RNF180: variants seen among roughly 807,000 people sequenced by gnomAD.
RNF180 encodes the protein ring finger protein 180.
RNF180 carries 38 observed loss-of-function variants against 59.2 expected under a neutral mutation model. The ratio of observed to expected loss-of-function variants is 0.64; its 90% CI spans 0.50 to 0.84. RNF180 has a LOEUF of 0.84. Among genes scored for constraint, RNF180 ranks in the 40% least tolerant of loss-of-function variants. RNF180 has a pLI of 0.00. For missense variants in RNF180, 705 were observed against 700.9 expected (o/e 1.01, Z -0.07); for synonymous variants, 262 against 240.3 (o/e 1.09, Z -0.84).
At chr5:64,301,967 T>A (rs1743183261) in intron 5 of RNF180, among the ~76,000 whole-genome samples, 1 of 151,780 alleles carries the variant, frequency 6.6e-6, no homozygotes, top group South Asian at 2.1e-4. Context: ...ATATACACTC[T>A]TAATATGTTT....
chr5:64,232,266 G>A (rs1270820061), intron 5 of RNF180, among the ~76,000 whole-genome samples: 1 of 152,216 alleles, frequency 6.6e-6, no homozygotes, highest in Non-Finnish European at 1.5e-5. Context: ...TTAAAGGAAT[G>A]TGTAGTGCAG....
intron 7 of RNF180, among the ~76,000 whole-genome samples, chr5:64,367,362 T>G (rs1244647475): frequency 6.6e-6 from 1 of 151,548 alleles, no homozygotes; most frequent in African/African-American, 2.4e-5. Context: ...CAATAAAATA[T>G]TACATATACT....
chr5:64,291,416 CTTTTT>C (rs1207692101), intron 5 of RNF180, among the ~76,000 whole-genome samples: 1 of 71,794 alleles, frequency 1.4e-5, no homozygotes, highest in Non-Finnish European at 2.6e-5. Flanking sequence ...AGTATGTTTT[CTTTTT>C]TTTTTTTTTT....
chr5:64,175,244 G>A (rs1180463353), intron 1 of RNF180, among the ~76,000 whole-genome samples: 1 of 152,174 alleles, frequency 6.6e-6, no homozygotes, highest in Non-Finnish European at 1.5e-5. Context: ...TGGGATTACA[G>A]GCATGAGCCA....
rs1342011628 is a variant in RNF180 at position 64,213,699 on chromosome 5, A to G, written c.373A>G (p.Thr125Ala). Residue 125 changes from threonine to alanine, a missense_variant, in exon 4 of 8, where the codon ACA becomes GCA. Thr to Ala is a moderately conservative substitution (Grantham distance 58). Transcript: ENST00000389100. ...LSKSRTDYQP[T>A]QAGRLMRPSV... is the part of the protein sequence containing the mutation. ...CAAGAGCCGGACTGATTATCAGCCA[A>G]CACAGGCAGGCAGACTAATGAGACC... 1.9e-6 allele frequency: 3 copies of G among 1,614,078 alleles called. No homozygotes were observed. Among genetic ancestry groups the G allele is most frequent in the African/African-American group, 2.7e-5 (2 of 74,936 alleles).
At chr5:64,357,149 C>A (rs1325343549) in intron 7 of RNF180, among the ~76,000 whole-genome samples, 1 of 151,590 alleles carries the variant, frequency 6.6e-6, no homozygotes, top group Non-Finnish European at 1.5e-5. Context: ...TTAACTTATT[C>A]AATATAAAAG....
chr5:64,210,101 A>G (rs1293382873), intron 2 of RNF180, among the ~76,000 whole-genome samples: 1 of 152,180 alleles, frequency 6.6e-6, no homozygotes, highest in Non-Finnish European at 1.5e-5. Context: ...AAACACTAAA[A>G]AAAGATGTCT....
intron 5 of RNF180, among the ~76,000 whole-genome samples, chr5:64,275,168 G>A (rs1036796763): frequency 1.3e-5 from 2 of 151,470 alleles, no homozygotes; most frequent in Non-Finnish European, 3.0e-5. Flanking sequence ...TAACATACAT[G>A]TCTGTATATT....
intron 5 of RNF180, among the ~76,000 whole-genome samples, chr5:64,292,071 G>C (rs1561242900): frequency 6.6e-6 from 1 of 152,076 alleles, no homozygotes; most frequent in African/African-American, 2.4e-5. Context: ...CATTGGGTGA[G>C]AACATGCTCC....
intron 7 of RNF180, among the ~76,000 whole-genome samples, chr5:64,335,307 A>G (rs895650615): frequency 6.6e-6 from 1 of 152,062 alleles, no homozygotes. Context: ...TTACTTTGAT[A>G]TATTTTAATG....
intron 7 of RNF180, 148 bp from the exon 8 acceptor site, chr5:64,369,466 TA>T (rs56066106): frequency 0.4 from 175,957 of 436,588 alleles, 35,552 homozygotes; most frequent in African/African-American, 0.63. Flanking sequence ...ATAATAATAA[TA>T]AAAAAAAAAG....
intron 5 of RNF180, among the ~76,000 whole-genome samples, chr5:64,273,744 G>C (rs1167494969): frequency 6.6e-6 from 1 of 151,924 alleles, no homozygotes; most frequent in Non-Finnish European, 1.5e-5. Context: ...AAGAAAGAGG[G>C]AGGTCACTGA....
At chr5:64,172,844 C>T (rs1488421417) in intron 1 of RNF180, among the ~76,000 whole-genome samples, 1 of 152,130 alleles carries the variant, frequency 6.6e-6, no homozygotes, top group Admixed American at 6.6e-5. Flanking sequence ...TCCAGGTACA[C>T]TGTTGATTAT....
chr5:64,291,234 C>A (rs1742563095), intron 5 of RNF180, among the ~76,000 whole-genome samples: 1 of 151,958 alleles, frequency 6.6e-6, no homozygotes, highest in East Asian at 1.9e-4. Flanking sequence ...TTGTAGATGA[C>A]CTGGCCTCCT....
At chr5:64,174,116 G>A (rs1205303975) in intron 1 of RNF180, among the ~76,000 whole-genome samples, 1 of 152,126 alleles carries the variant, frequency 6.6e-6, no homozygotes, top group Non-Finnish European at 1.5e-5. Context: ...ACTCATCCAT[G>A]TTGCCACAAA....
chr5:64,225,237 C>T (rs977872778), intron 5 of RNF180, among the ~76,000 whole-genome samples: 9 of 152,216 alleles, frequency 5.9e-5, no homozygotes, highest in Non-Finnish European at 1.3e-4. Flanking sequence ...CTCTTTTGGC[C>T]TTACGCATAG....
At chr5:64,287,235 G>A (rs775386243) in intron 5 of RNF180, among the ~76,000 whole-genome samples, 7 of 152,112 alleles carry the variant, frequency 4.6e-5, no homozygotes, top group Admixed American at 6.5e-5. Flanking sequence ...AAAGTGCTGG[G>A]ATTACAGACG....
In RNF180 at chr5:64,372,006, T is replaced by C. The variant is rs1377550973; in HGVS notation, c.*2192T>C. 1 of 151,612 alleles carries C rather than the reference T, an allele frequency of 6.6e-6. No individual in the cohort carries two copies. Among genetic ancestry groups the C allele is most frequent in the Non-Finnish European group, 1.5e-5 (1 of 67,746 alleles). 9.4% of individuals were successfully genotyped at this position (151,612 alleles called of 1,614,324 possible). A position where few individuals can be genotyped will look rare whatever the true frequency, so the allele number is the denominator to read the frequency against. On this transcript the variant is annotated 3_prime_UTR_variant, in exon 8 of 8. Transcript: ENST00000389100. ...CATCTCTCACAGTAAAAACTCACTG[T>C]CCAATAAAGAGCCAAAGAAAGGAAA...
At chr5:64,264,707 CTA>C (rs1744559340) in intron 5 of RNF180, among the ~76,000 whole-genome samples, 1 of 152,000 alleles carries the variant, frequency 6.6e-6, no homozygotes, top group African/African-American at 2.4e-5. Flanking sequence ...GCATATGTCT[CTA>C]TAGTAGAATG....
Sources: allele counts gnomAD v4.1 joint callset (sites outside exome capture counted in the v4.1 genomes callset), GRCh38; gene constraint gnomAD v4.1.1; transcripts MANE v1.5; gene names NCBI Gene and HGNC (gene_info 2026-07-23, HGNC 2026-07-21).